Variants in LRIG1 observed in about 807,000 individuals in gnomAD.
LRIG1 encodes the protein leucine rich repeats and immunoglobulin like domains 1.
A neutral mutation model predicts 99.2 loss-of-function variants in LRIG1; 48 were observed. The ratio of observed to expected loss-of-function variants is 0.48; its 90% CI spans 0.38 to 0.62. The LOEUF (loss-of-function observed/expected upper bound fraction) is 0.62, where lower values mean the gene tolerates loss of function less well. Among genes scored for constraint, LRIG1 ranks in the 20% least tolerant of loss-of-function variants. LRIG1 has a pLI of 0.00. For synonymous variants in LRIG1, 772 were observed against 596.1 expected (o/e 1.29, Z -4.30); for missense variants, 1,646 against 1,434.4 (o/e 1.15, Z -2.38).
intron 1 of LRIG1, among the ~76,000 whole-genome samples, chr3:66,499,609 G>C (rs1214501588): frequency 1.3e-5 from 2 of 152,178 alleles, no homozygotes; most frequent in Admixed American, 6.5e-5. Flanking sequence ...CCCGCACAGA[G>C]AGGCAAGTCA....
intron 1 of LRIG1, among the ~76,000 whole-genome samples, chr3:66,497,372 A>T (rs558782123): frequency 6.6e-6 from 1 of 152,322 alleles, no homozygotes; most frequent in East Asian, 1.9e-4. Context: ...ATTTCAAAGA[A>T]AGCAAATATC....
intron 1 of LRIG1, chr3:66,498,219 G>A (rs558580152): frequency 1.3e-5 from 2 of 152,232 alleles, no homozygotes; most frequent in Admixed American, 6.5e-5. Flanking sequence ...GTCTACTGAT[G>A]CTCAAAATAC....
chr3:66,476,578 C>T (rs536638210), intron 1 of LRIG1, among the ~76,000 whole-genome samples: 1 of 152,332 alleles, frequency 6.6e-6, no homozygotes, highest in East Asian at 1.9e-4. Context: ...AGATGCCACA[C>T]TGCAGTTCCT....
chr3:66,471,566 C>T (rs1041254511), intron 1 of LRIG1, among the ~76,000 whole-genome samples: 1 of 152,198 alleles, frequency 6.6e-6, no homozygotes, highest in Non-Finnish European at 1.5e-5. Context: ...TCCATCCCAA[C>T]CAGCAGGGAC....
chr3:66,482,320 A>G (rs1188446799), intron 1 of LRIG1, among the ~76,000 whole-genome samples: 1 of 152,262 alleles, frequency 6.6e-6, no homozygotes, highest in East Asian at 1.9e-4. Flanking sequence ...AAAGAGATGT[A>G]CTGTGCTCAA....
chr3:66,481,065 T>C (rs1405578085), intron 1 of LRIG1, among the ~76,000 whole-genome samples: 9 of 152,132 alleles, frequency 5.9e-5, no homozygotes, highest in Non-Finnish European at 1.3e-4. Flanking sequence ...TGAAAACAGA[T>C]AGAAATGGCC....
intron 3 of LRIG1, among the ~76,000 whole-genome samples, chr3:66,441,509 T>C (rs1262577368): frequency 6.6e-6 from 1 of 152,148 alleles, no homozygotes; most frequent in Admixed American, 6.5e-5. Flanking sequence ...GGACCTTCTG[T>C]TACTTCGCAT....
chr3:66,444,300 G>T (rs147127798), intron 3 of LRIG1, among the ~76,000 whole-genome samples: 2,994 of 152,298 alleles, frequency 0.02, 37 homozygotes, highest in Non-Finnish European at 0.033. Flanking sequence ...AAGCAAATAT[G>T]TAACAGTCAT....
chr3:66,465,995 AAT>A lies in LRIG1; in HGVS notation c.219-3488_219-3487del, dbSNP rs573168295. ...GTGAGTGGCTTAATTCACTTAACAT[AAT>A]GTCTTCAAGATTCATCCATGTTGTC... On this transcript the variant is annotated intron_variant, in intron 1 of 18. Transcript: ENST00000273261. Among the ~76,000 whole-genome samples, 172 of 152,234 alleles carry A rather than the reference AAT, an allele frequency of 1.1e-3. 3 individuals are homozygous for A. Among genetic ancestry groups the A allele is most frequent in the African/African-American group, 4.1e-3 (171 of 41,542 alleles).
intron 1 of LRIG1, among the ~76,000 whole-genome samples, chr3:66,463,021 G>C (rs998149314): frequency 6.6e-6 from 1 of 152,150 alleles, no homozygotes; most frequent in African/African-American, 2.4e-5. Flanking sequence ...ATTTTTGGTT[G>C]TCACAACTGG....
intron 2 of LRIG1, among the ~76,000 whole-genome samples, chr3:66,453,325 G>A (rs1703968461): frequency 6.6e-6 from 1 of 152,220 alleles, no homozygotes; most frequent in South Asian, 2.1e-4. Flanking sequence ...CTATGTGCCA[G>A]GCACAGCTCT....
At chr3:66,484,779 G>A (rs149552863) in intron 1 of LRIG1, among the ~76,000 whole-genome samples, 292 of 152,272 alleles carry the variant, frequency 1.9e-3, no homozygotes, top group East Asian at 0.016. Flanking sequence ...GTTGCAAACA[G>A]ATGTGAGTAA....
chr3:66,419,080 C>G (rs1002619467), intron 3 of LRIG1, among the ~76,000 whole-genome samples: 1 of 152,222 alleles, frequency 6.6e-6, no homozygotes, highest in African/African-American at 2.4e-5. Flanking sequence ...AGAGCTGAGT[C>G]TTATCCGGGA....
chr3:66,379,133 T>TTAAG lies in LRIG1; in HGVS notation c.*1126_*1129dup, dbSNP rs1266163009. 4 of 150,982 alleles carry TTAAG rather than the reference T, an allele frequency of 2.6e-5. No homozygotes were observed. The highest frequency in any genetic ancestry group is 7.5e-5 in the African/African-American group (3 of 40,200). The allele number at this position is 150,982 out of a possible 1,614,324, so 9.4% of individuals were successfully genotyped here. ...AACATTTGAAGGACCTTGTTTCTAT[T>TTAAG]TAAGTTTTACTAAATGACACATTGG... On this transcript the variant is annotated 3_prime_UTR_variant, in exon 19 of 19. Transcript: ENST00000273261.
chr3:66,500,651 C>CTTGTCTGGA lies in LRIG1; in HGVS notation c.-245_-244insTCCAGACAA. The CTTGTCTGGA allele has an allele frequency of 3.3e-6, 1 of 307,468 alleles. No homozygotes were observed. Among genetic ancestry groups the CTTGTCTGGA allele is most frequent in the Non-Finnish European group, 5.9e-6 (1 of 168,404 alleles). 19.0% of individuals were successfully genotyped at this position (307,468 alleles called of 1,614,324 possible). On this transcript the variant is annotated 5_prime_UTR_variant, in exon 1 of 19. Transcript: ENST00000273261. ...GCCCATCCGGGCCGGCCGGCCCGCC[C>CTTGTCTGGA]GCGCTAGCTGCGAACTCCGCCGATT...
chr3:66,394,892 T>A (rs1701783052), intron 11 of LRIG1, among the ~76,000 whole-genome samples: 1 of 152,242 alleles, frequency 6.6e-6, no homozygotes, highest in African/African-American at 2.4e-5. Context: ...TAAATAGTGC[T>A]TGTTAGTTAA....
intron 2 of LRIG1, among the ~76,000 whole-genome samples, chr3:66,457,301 AACAGC>A (rs997303853): frequency 4.0e-5 from 6 of 150,990 alleles, no homozygotes; most frequent in African/African-American, 1.5e-4. Context: ...CTCAACACCT[AACAGC>A]CTCTTTCTGT....
At chr3:66,467,056 C>T (rs1241083199) in intron 1 of LRIG1, among the ~76,000 whole-genome samples, 1 of 152,144 alleles carries the variant, frequency 6.6e-6, no homozygotes, top group South Asian at 2.1e-4. Flanking sequence ...GCCCACCGTT[C>T]GCTGAACACA....
intron 7 of LRIG1, chr3:66,409,669 A>G (rs1421950113): frequency 6.4e-6 from 1 of 155,554 alleles, no homozygotes; most frequent in Non-Finnish European, 1.4e-5. Context: ...ACACAAATTC[A>G]TCCACAGTCA....
Sources: allele counts gnomAD v4.1 joint callset (sites outside exome capture counted in the v4.1 genomes callset), GRCh38; gene constraint gnomAD v4.1.1; transcripts MANE v1.5; gene names NCBI Gene and HGNC (gene_info 2026-07-23, HGNC 2026-07-21).